Variants in PLOD2 observed in about 807,000 individuals in gnomAD.
The protein encoded by PLOD2 is lysine hydroxylase 2.
PLOD2 carries 65 observed loss-of-function variants against 101.0 expected under a neutral mutation model. The ratio of observed to expected loss-of-function variants is 0.64; its 90% confidence interval spans 0.53 to 0.79. PLOD2 has a LOEUF of 0.79. Among genes scored for constraint, PLOD2 ranks in the 30% least tolerant of loss-of-function variants. The pLI is 0.00. For missense variants in PLOD2, 909 were observed against 914.6 expected, an observed-to-expected ratio of 0.99 and a Z score of 0.08; for synonymous variants, 314 against 302.9, an observed-to-expected ratio of 1.04 and a Z score of -0.38.
chr3:146,143,041 C>T (rs2108127663), intron 1 of PLOD2, among the ~76,000 whole-genome samples: 1 of 152,224 alleles, frequency 6.6e-6, no homozygotes, highest in Non-Finnish European at 1.5e-5. Context: ...TGACATTTTG[C>T]AGAATGCTTT....
rs979725983 is a variant in PLOD2 at position 146,152,419 on chromosome 3, C to CAA, written c.109+8460_109+8461dup. ...TGGACGACAGAGCAAGACTCCGTCTCAAAAAAAAAAAATTCTATCTAGTGA... is the reference window on the plus strand; with the variant it reads ...TGGACGACAGAGCAAGACTCCGTCTCAAAAAAAAAAAAAATTCTATCTAGTGA... On this transcript the variant is annotated intron_variant, in intron 1 of 19. Transcript: ENST00000282903. Among the ~76,000 whole-genome samples the CAA allele has an allele frequency of 1.2e-4, 17 of 140,984 alleles. 1 individual carries two copies. The South Asian group carries it at 3.1e-3, about 26-fold the overall frequency. The allele number at this position is 140,984 out of a possible 152,430, so 92.5% of individuals were successfully genotyped here.
intron 4 of PLOD2, among the ~76,000 whole-genome samples, chr3:146,109,520 C>T (rs972959414): frequency 6.6e-6 from 1 of 152,206 alleles, no homozygotes; most frequent in East Asian, 1.9e-4. Flanking sequence ...TGGTTATATA[C>T]ACGTAGATCA....
rs536418626 is a variant in PLOD2 at position 146,158,108 on chromosome 3, C to G, written c.109+2773G>C. ...AAACACACACAAATTTTATCCAGGT[C>G]TGGAGACATGACGGCAAAGACTTGG... is the stretch of plus-strand genomic sequence containing the variant. On this transcript the variant is annotated intron_variant, in intron 1 of 19. Coordinates refer to ENST00000282903, the MANE Select transcript of PLOD2 (RefSeq NM_182943.3). Among the ~76,000 whole-genome samples the G allele has an allele frequency of 3.6e-4, 55 of 152,218 alleles. 2 individuals are homozygous for G. The South Asian group carries it at 0.011, about 30-fold the overall frequency.
chr3:146,084,615 T>C (rs947507666), intron 11 of PLOD2, among the ~76,000 whole-genome samples: 1 of 151,960 alleles, frequency 6.6e-6, no homozygotes, highest in South Asian at 2.1e-4. Context: ...TTAGCAGTAG[T>C]ATTGACAAAC....
At chr3:146,087,887 G>A (rs1410274080) in intron 9 of PLOD2, among the ~76,000 whole-genome samples, 3 of 151,824 alleles carry the variant, frequency 2.0e-5, no homozygotes, top group African/African-American at 7.2e-5. Flanking sequence ...TCTGGACAAT[G>A]TGAATGGTTA....
rs1937560821 is a variant in PLOD2 at position 146,107,673 on chromosome 3, G to A, written c.503-1029C>T. 2.8e-5 allele frequency among the ~76,000 whole-genome samples: 3 copies of A among 107,262 alleles called. No individual in the cohort carries two copies. The Admixed American group carries it at 4.6e-4, about 17-fold the overall frequency. The allele number at this position is 107,262 out of a possible 152,430, so 70.4% of individuals were successfully genotyped here. A position where few individuals can be genotyped will look rare whatever the true frequency, so the allele number is the denominator to read the frequency against. On this transcript the variant is annotated intron_variant, in intron 4 of 19. Transcript: ENST00000282903. ...TTTTTTGGAGACAGAGTCTCGCTCT[G>A]TCACCCAGGCTGGAGTGCAAAGGCA...
chr3:146,075,512 A>G (rs1936299505), intron 15 of PLOD2, among the ~76,000 whole-genome samples: 1 of 146,020 alleles, frequency 6.8e-6, no homozygotes, highest in East Asian at 2.0e-4. Context: ...AAAAAAGAAG[A>G]AGAAAACAGA....
chr3:146,142,881 G>C (rs1040378192), intron 1 of PLOD2, among the ~76,000 whole-genome samples: 2 of 152,104 alleles, frequency 1.3e-5, no homozygotes, highest in Admixed American at 1.3e-4. Context: ...AGCTGACTCA[G>C]GGACTCTCTG....
chr3:146,124,041 A>G, intron 2 of PLOD2, 97 bp downstream of exon 2: 1 of 744,154 alleles, frequency 1.3e-6, no homozygotes, highest in Non-Finnish European at 2.4e-6. Flanking sequence ...ACCAAATGCT[A>G]TCTTCCTTGT....
At chr3:146,116,333 T>A (rs1255929088) in intron 3 of PLOD2, among the ~76,000 whole-genome samples, 2 of 151,426 alleles carry the variant, frequency 1.3e-5, no homozygotes, top group Non-Finnish European at 2.9e-5. Context: ...CAGATTATGA[T>A]AAAATCACAA....
At position 146,131,934 on chromosome 3, in the gene PLOD2, A is replaced by G. The variant is rs200144925; in HGVS notation, c.110-7705T>C. Among the ~76,000 whole-genome samples the G allele has an allele frequency of 7.9e-5, 12 of 152,292 alleles. 1 individual carries two copies. In the East Asian group the frequency reaches 2.3e-3, roughly 29 times the overall value. ...ATTCACGTCACAATTTCAACAAGAA[A>G]AAAAAAACCTAAAAAGGATGTGTCA... On this transcript the variant is annotated intron_variant, in intron 1 of 19. Transcript: ENST00000282903.
At chr3:146,146,492 G>C (rs909381494) in intron 1 of PLOD2, among the ~76,000 whole-genome samples, 1 of 152,124 alleles carries the variant, frequency 6.6e-6, no homozygotes, top group Non-Finnish European at 1.5e-5. Flanking sequence ...CACTTTGTGG[G>C]AACTGGGGAG....
At chr3:146,082,557 C>G (rs977503372) in intron 11 of PLOD2, among the ~76,000 whole-genome samples, 2 of 152,036 alleles carry the variant, frequency 1.3e-5, no homozygotes, top group African/African-American at 4.8e-5. Context: ...TTGTGAAGAC[C>G]AGCCGGGCCC....
In PLOD2 at chr3:146,102,793, T is replaced by C; in HGVS notation, c.739A>G (p.Thr247Ala). The C allele has an allele frequency of 6.2e-7, 1 of 1,606,390 alleles. No homozygotes were observed. The highest frequency in any genetic ancestry group is 8.5e-7 in the Non-Finnish European group (1 of 1,173,036). The change falls in exon 7 of 20, where the codon ACA becomes GCA. Residue 247 changes from threonine to alanine, a missense_variant. Coordinates refer to ENST00000282903, the MANE Select transcript of PLOD2 (RefSeq NM_182943.3). Reference sequence around the variant, plus strand: ...TTTCCATTAATTGCCACTGGTAATGTTTCATAAAATGTATTCTTAGCTCTG... The same window carrying C: ...TTTCCATTAATTGCCACTGGTAATGCTTCATAAAATGTATTCTTAGCTCTG... ...KARAKNTFYE[T>A]LPVAINGNGP...
At chr3:146,092,659 C>G (rs965353215) in intron 7 of PLOD2, among the ~76,000 whole-genome samples, 1 of 151,766 alleles carries the variant, frequency 6.6e-6, no homozygotes, top group African/African-American at 2.4e-5. Context: ...TTCATTTTAA[C>G]TGTAAAAAAA....
chr3:146,073,889 T>C (rs536724493), intron 15 of PLOD2, among the ~76,000 whole-genome samples: 1 of 151,776 alleles, frequency 6.6e-6, no homozygotes, highest in South Asian at 2.1e-4. Flanking sequence ...GTCTGTCTTA[T>C]ATGTCTATAG....
intron 3 of PLOD2, among the ~76,000 whole-genome samples, chr3:146,119,140 T>C (rs1938062846): frequency 6.6e-6 from 1 of 152,130 alleles, no homozygotes; most frequent in Non-Finnish European, 1.5e-5. Context: ...ACCCTAGTGA[T>C]GTTCTCATTA....
At chr3:146,078,685 T>G (rs914847848) in intron 13 of PLOD2, among the ~76,000 whole-genome samples, 2 of 151,792 alleles carry the variant, frequency 1.3e-5, no homozygotes, top group African/African-American at 4.8e-5. Flanking sequence ...TTTTAAAATT[T>G]TACCTAGTTA....
At chr3:146,088,773 A>T (rs1936875348) in intron 8 of PLOD2, 62 bp from the exon 9 acceptor site, 1 of 1,326,938 alleles carries the variant, frequency 7.5e-7, no homozygotes, top group Admixed American at 1.7e-5. Flanking sequence ...TTTAAATTTT[A>T]TTCAAATGTT....
Sources: gnomAD v4.1 joint callset for allele counts (sites outside exome capture counted in the v4.1 genomes callset) on GRCh38, gnomAD v4.1.1 for gene constraint, MANE v1.5 for transcripts, NCBI Gene and HGNC (gene_info 2026-07-23, HGNC 2026-07-21) for gene names.